The following FBXL17 variants were observed in gnomAD, a reference collection of about 807,000 sequenced individuals.
The protein encoded by FBXL17 is F-box/LRR-repeat protein 17.
FBXL17 carries 22 observed loss-of-function variants against 66.2 expected under a neutral mutation model. The ratio of observed to expected loss-of-function variants is 0.33; its 90% CI spans 0.24 to 0.47. The LOEUF is 0.47. Among genes scored for constraint, FBXL17 ranks in the 20% least tolerant of loss-of-function variants. FBXL17 has a pLI of 1.00. For missense variants in FBXL17, 878 were observed against 948.2 expected, an observed-to-expected ratio of 0.93 and a Z score of 0.97; for synonymous variants, 474 against 400.5, an observed-to-expected ratio of 1.18 and a Z score of -2.19.
intron 4 of FBXL17, among the ~76,000 whole-genome samples, chr5:108,287,377 G>A (rs1580748590): frequency 6.6e-6 from 1 of 152,022 alleles, no homozygotes; most frequent in South Asian, 2.1e-4. Context: ...TCTGACAAAG[G>A]TCTAATATCC....
At chr5:107,909,518 T>C (rs1338996812) in intron 7 of FBXL17, among the ~76,000 whole-genome samples, 3 of 152,210 alleles carry the variant, frequency 2.0e-5, no homozygotes, top group African/African-American at 7.2e-5. Context: ...ATACAAAGAA[T>C]AGCTATTAGT....
chr5:108,133,260 A>AT (rs1169681261), intron 6 of FBXL17, among the ~76,000 whole-genome samples: 2 of 152,078 alleles, frequency 1.3e-5, no homozygotes, highest in Non-Finnish European at 2.9e-5. Flanking sequence ...TGTATCTAAA[A>AT]TTTTTTATAT....
At chr5:107,870,775 T>C (rs1349726813) in intron 8 of FBXL17, among the ~76,000 whole-genome samples, 1 of 151,658 alleles carries the variant, frequency 6.6e-6, no homozygotes, top group Non-Finnish European at 1.5e-5. Flanking sequence ...TTAGTAGGGA[T>C]GGGGTTTCAC....
At chr5:108,281,911 G>A (rs1757716698) in intron 4 of FBXL17, among the ~76,000 whole-genome samples, 1 of 151,564 alleles carries the variant, frequency 6.6e-6, no homozygotes, top group Non-Finnish European at 1.5e-5. Flanking sequence ...AAAACCCAGA[G>A]GAAATGGATA....
At chr5:108,311,713 C>T (rs1259111263) in intron 4 of FBXL17, among the ~76,000 whole-genome samples, 1 of 152,058 alleles carries the variant, frequency 6.6e-6, no homozygotes, top group Non-Finnish European at 1.5e-5. Context: ...GATAGATTTG[C>T]TCTGATGACA....
In FBXL17 at chr5:107,885,835, TGGGG is replaced by T. The variant is rs781044027; in HGVS notation, c.1823-4660_1823-4657del. Among the ~76,000 whole-genome samples the T allele has an allele frequency of 2.8e-4, 42 of 151,818 alleles. No homozygotes were observed. In the Middle Eastern group the frequency reaches 0.01, roughly 37 times the overall value. ...AAAATAAAGAAGCAGGCACGAGATG[TGGGG>T]GTGGGGTTGTGAGGAAGAAGAGAGA... is the stretch of plus-strand genomic sequence containing the variant. On this transcript the variant is annotated intron_variant, in intron 7 of 8. Transcript: ENST00000542267.
intron 4 of FBXL17, among the ~76,000 whole-genome samples, chr5:108,289,919 G>C (rs756105764): frequency 6.6e-6 from 1 of 152,074 alleles, no homozygotes; most frequent in Non-Finnish European, 1.5e-5. Context: ...AAATTCAGGG[G>C]AAAGTCTTTG....
chr5:107,869,320 C>T (rs1748377849), intron 8 of FBXL17, among the ~76,000 whole-genome samples: 1 of 152,148 alleles, frequency 6.6e-6, no homozygotes, highest in African/African-American at 2.4e-5. Flanking sequence ...ACCTGGTATT[C>T]ACCAGGTGCC....
intron 7 of FBXL17, among the ~76,000 whole-genome samples, chr5:107,942,328 C>T (rs1245504980): frequency 6.6e-6 from 1 of 152,208 alleles, no homozygotes; most frequent in Non-Finnish European, 1.5e-5. Context: ...TTCCCAATGG[C>T]AGGTTCCACA....
At chr5:107,994,593 AC>A (rs1753390370) in intron 7 of FBXL17, among the ~76,000 whole-genome samples, 1 of 152,214 alleles carries the variant, frequency 6.6e-6, no homozygotes, top group South Asian at 2.1e-4. Context: ...TAATCCCAGC[AC>A]TTTGGGAGGC....
At chr5:108,019,134 C>T (rs1243594630) in intron 7 of FBXL17, among the ~76,000 whole-genome samples, 2 of 152,144 alleles carry the variant, frequency 1.3e-5, no homozygotes, top group Admixed American at 1.3e-4. Flanking sequence ...GCAGTGTACA[C>T]TGTGCTACTC....
intron 7 of FBXL17, among the ~76,000 whole-genome samples, chr5:107,908,142 G>A (rs559154933): frequency 1.3e-4 from 20 of 152,264 alleles, no homozygotes; most frequent in African/African-American, 3.4e-4. Context: ...CATGTCCTTC[G>A]TAGGGACATG....
intron 7 of FBXL17, among the ~76,000 whole-genome samples, chr5:107,931,262 T>TA (rs1750727366): frequency 1.3e-5 from 2 of 151,122 alleles, no homozygotes; most frequent in Non-Finnish European, 1.5e-5. Flanking sequence ...AGAGAATTTT[T>TA]TTTTTTTTTT....
intron 6 of FBXL17, among the ~76,000 whole-genome samples, chr5:108,150,149 G>A (rs1023820102): frequency 6.6e-6 from 1 of 152,046 alleles, no homozygotes; most frequent in Non-Finnish European, 1.5e-5. Flanking sequence ...TAAGTATTCA[G>A]CATGCATCTC....
At chr5:108,363,356 TATAGCGGTCTTAAGTACAGAAAA>T (rs796629660) in intron 3 of FBXL17, among the ~76,000 whole-genome samples, 50 of 152,118 alleles carry the variant, frequency 3.3e-4, no homozygotes, top group African/African-American at 1.1e-3. Context: ...CATACCCAGC[TATAGCGGTCTTAAGTACAGAAAA>T]ATATTCTCTA....
chr5:108,335,229 AC>A (rs143667005), intron 4 of FBXL17, among the ~76,000 whole-genome samples: 4,365 of 69,992 alleles, frequency 0.062, 211 homozygotes, highest in African/African-American at 0.16. Context: ...CCACTCCCCC[AC>A]CCCCCCCCAA....
At chr5:107,996,671 A>C (rs966402494) in intron 7 of FBXL17, among the ~76,000 whole-genome samples, 1 of 152,212 alleles carries the variant, frequency 6.6e-6, no homozygotes, top group Admixed American at 6.5e-5. Context: ...ACTCTCAAAG[A>C]ATAAAATATA....
At chr5:107,947,941 A>T (rs1198353908) in intron 7 of FBXL17, among the ~76,000 whole-genome samples, 1 of 152,228 alleles carries the variant, frequency 6.6e-6, no homozygotes, top group African/African-American at 2.4e-5. Context: ...AGATGGGTTT[A>T]GACACATGTA....
intron 4 of FBXL17, among the ~76,000 whole-genome samples, chr5:108,241,693 CA>C (rs937947714): frequency 1.3e-5 from 2 of 151,990 alleles, no homozygotes; most frequent in African/African-American, 4.8e-5. Flanking sequence ...CCTTAATGAA[CA>C]AGGCATTTAA....
Sources: gnomAD v4.1 joint callset for allele counts (sites outside exome capture counted in the v4.1 genomes callset) on GRCh38, gnomAD v4.1.1 for gene constraint, MANE v1.5 for transcripts, NCBI Gene and HGNC (gene_info 2026-07-23, HGNC 2026-07-21) for gene names.